ESRRG: variants seen among roughly 807,000 people sequenced by gnomAD.
ESRRG encodes the protein estrogen-related receptor gamma.
Under a neutral mutation model 44.0 loss-of-function variants are expected in ESRRG, and 13 were observed. That is an observed-to-expected ratio of 0.30 (90% CI 0.19 to 0.47). The LOEUF is 0.47. Ranked by LOEUF, ESRRG falls within the 20% of genes least tolerant of loss-of-function variation. The probability of loss-of-function intolerance (pLI) is 1.00; values close to 1 mark genes in which losing one functional copy is unlikely to be tolerated. For synonymous variants in ESRRG, 215 were observed against 214.6 expected, an observed-to-expected ratio of 1.00 and a Z score of -0.02; for missense variants, 395 against 580.6, an observed-to-expected ratio of 0.68 and a Z score of 3.29.
At chr1:217,127,475 T>C (rs530297910) in intron 1 of ESRRG, among the ~76,000 whole-genome samples, 1 of 152,208 alleles carries the variant, frequency 6.6e-6, no homozygotes, top group East Asian at 1.9e-4. Flanking sequence ...TTGCTAGACC[T>C]TCCAGTGTTT....
chr1:216,751,471 A>G (rs2091998323), intron 2 of ESRRG, among the ~76,000 whole-genome samples: 1 of 152,080 alleles, frequency 6.6e-6, no homozygotes, highest in African/African-American at 2.4e-5. Flanking sequence ...AACCACTGAC[A>G]TTTGGTGGGG....
At chr1:216,614,170 C>A (rs1266459517) in intron 3 of ESRRG, among the ~76,000 whole-genome samples, 1 of 152,224 alleles carries the variant, frequency 6.6e-6, no homozygotes, top group African/African-American at 2.4e-5. Flanking sequence ...GCTCCCACCA[C>A]CACTCTCGGC....
At chr1:216,676,247 G>A (rs544334318) in intron 2 of ESRRG, among the ~76,000 whole-genome samples, 31 of 152,024 alleles carry the variant, frequency 2.0e-4, no homozygotes, top group Non-Finnish European at 5.9e-5. Flanking sequence ...GTTTAAAAGG[G>A]CATAAACAAA....
At chr1:217,077,822 T>C (rs1341017397) in intron 1 of ESRRG, among the ~76,000 whole-genome samples, 3 of 152,248 alleles carry the variant, frequency 2.0e-5, no homozygotes, top group Non-Finnish European at 4.4e-5. Flanking sequence ...TTTCTCAAGA[T>C]GGACATGACC....
intron 2 of ESRRG, among the ~76,000 whole-genome samples, chr1:216,769,059 G>A (rs553540563): frequency 3.7e-4 from 50 of 135,670 alleles, no homozygotes; most frequent in Admixed American, 1.4e-4. Context: ...GATGTTTTAG[G>A]AAAAGGAGGC....
At chr1:216,965,321 T>C (rs1392438660) in intron 1 of ESRRG, among the ~76,000 whole-genome samples, 1 of 152,122 alleles carries the variant, frequency 6.6e-6, no homozygotes, top group East Asian at 1.9e-4. Flanking sequence ...CCTGGATGCC[T>C]ATCAGCAGCT....
chr1:216,723,193 A>ACCCCCCCCC, intron 1 of ESRRG, 51 bp downstream of exon 1: 2 of 863,456 alleles, frequency 2.3e-6, no homozygotes, highest in Non-Finnish European at 3.6e-6. Context: ...GTCCGCCCCC[A>ACCCCCCCCC]CCCCCGCACC....
intron 3 of ESRRG, among the ~76,000 whole-genome samples, chr1:216,583,006 G>A (rs2063088823): frequency 6.6e-6 from 1 of 151,726 alleles, no homozygotes; most frequent in African/African-American, 2.4e-5. Context: ...GAGAAAGGGG[G>A]AAGGGAAGGA....
Position 216,568,231 on chromosome 1 carries a change from A to G in ESRRG, c.590-133T>C, listed in dbSNP as rs941922939. The G allele has an allele frequency of 9.3e-6, 6 of 643,604 alleles. No individual in the cohort carries two copies. The African/African-American group carries it at 1.1e-4, about 12-fold the overall frequency. 39.9% of individuals were successfully genotyped at this position (643,604 alleles called of 1,614,324 possible). ...TGCAGAATGGACCAGGGGTACTCAA[A>G]TAATGTAAATAAGTGGTGGCTAAAT... On this transcript the variant is annotated intron_variant, in intron 3 of 6. Coordinates refer to ENST00000408911, the MANE Select transcript of ESRRG (RefSeq NM_001438.4).
intron 1 of ESRRG, among the ~76,000 whole-genome samples, chr1:217,077,287 C>G (rs1245047083): frequency 6.6e-6 from 1 of 152,132 alleles, no homozygotes; most frequent in Non-Finnish European, 1.5e-5. Flanking sequence ...AGAAATTAAT[C>G]TCATAAACAT....
At chr1:217,022,391 T>C (rs542619724) in intron 1 of ESRRG, among the ~76,000 whole-genome samples, 1 of 152,346 alleles carries the variant, frequency 6.6e-6, no homozygotes, top group South Asian at 2.1e-4. Flanking sequence ...TTCAGAGAAC[T>C]TGATTATTAA....
chr1:217,099,777 C>G (rs949218285), intron 1 of ESRRG, among the ~76,000 whole-genome samples: 1 of 152,166 alleles, frequency 6.6e-6, no homozygotes, highest in Non-Finnish European at 1.5e-5. Flanking sequence ...AATAACAATG[C>G]TTTGCATCCA....
Position 216,574,794 on chromosome 1 carries a change from G to T in ESRRG, c.590-6696C>A, listed in dbSNP as rs544221460. ...ATGTTATCAAACATAGATTGCAATT[G>T]AGTATAGGGAGCAGAATGGAAAGGC... On this transcript the variant is annotated intron_variant, in intron 3 of 6. Transcript: ENST00000408911. Among the ~76,000 whole-genome samples the T allele has an allele frequency of 2.0e-5, 3 of 152,204 alleles. No homozygotes were observed. The East Asian group carries it at 5.8e-4, about 29-fold the overall frequency.
At chr1:216,980,653 C>A (rs2073804323) in intron 1 of ESRRG, among the ~76,000 whole-genome samples, 2 of 152,114 alleles carry the variant, frequency 1.3e-5, no homozygotes, top group South Asian at 2.1e-4. Flanking sequence ...ATTCAACTTC[C>A]AAGGGGCTGT....
At chr1:216,772,834 T>G (rs1559575012) in intron 2 of ESRRG, among the ~76,000 whole-genome samples, 1 of 149,972 alleles carries the variant, frequency 6.7e-6, no homozygotes, top group Non-Finnish European at 1.5e-5. Flanking sequence ...CAGCTGCAAG[T>G]CAGGAGCACT....
At chr1:216,736,174 C>CTTT (rs2089860202) in intron 2 of ESRRG, among the ~76,000 whole-genome samples, 1 of 120,736 alleles carries the variant, frequency 8.3e-6, no homozygotes, top group African/African-American at 3.2e-5. Context: ...GAGTTAAGGA[C>CTTT]TATTTTTTTT....
intron 2 of ESRRG, among the ~76,000 whole-genome samples, chr1:216,914,323 CTA>C (rs1272153991): frequency 6.6e-6 from 1 of 152,114 alleles, no homozygotes; most frequent in African/African-American, 2.4e-5. Flanking sequence ...GTACTTGACT[CTA>C]GTGTAGTATC....
chr1:217,049,816 GAAGA>G (rs796850249), intron 1 of ESRRG, among the ~76,000 whole-genome samples: 87 of 152,276 alleles, frequency 5.7e-4, no homozygotes, highest in African/African-American at 2.0e-3. Flanking sequence ...CTGGCAGCCA[GAAGA>G]AAGAGGCCAC....
At chr1:217,131,450 C>T (rs2092964984) in intron 1 of ESRRG, among the ~76,000 whole-genome samples, 1 of 152,132 alleles carries the variant, frequency 6.6e-6, no homozygotes, top group South Asian at 2.1e-4. Flanking sequence ...CTAGAACTAC[C>T]TGGAGAATTG....
Sources: gnomAD v4.1 joint callset for allele counts (sites outside exome capture counted in the v4.1 genomes callset) on GRCh38, gnomAD v4.1.1 for gene constraint, MANE v1.5 for transcripts, NCBI Gene and HGNC (gene_info 2026-07-23, HGNC 2026-07-21) for gene names.